Variants in LYPLAL1 observed in about 807,000 individuals in gnomAD.
The protein encoded by LYPLAL1 is lysophospholipase like 1.
A neutral mutation model predicts 19.7 loss-of-function variants in LYPLAL1; 23 were observed. The observed-to-expected ratio is 1.17, with a 90% CI of 0.84 to 1.65. LYPLAL1 has a LOEUF of 1.65. Ranked by LOEUF, LYPLAL1 falls within the 40% of genes most tolerant of loss-of-function variation. The probability of loss-of-function intolerance (pLI) is 0.00; values close to 1 mark genes in which losing one functional copy is unlikely to be tolerated. For missense variants in LYPLAL1, 355 were observed against 279.4 expected (o/e 1.27, Z -1.93); for synonymous variants, 119 against 96.3 (o/e 1.24, Z -1.38).
chr1:219,198,335 T>A (rs1657783165), intron 3 of LYPLAL1, among the ~76,000 whole-genome samples: 1 of 152,014 alleles, frequency 6.6e-6, no homozygotes, highest in African/African-American at 2.4e-5. Flanking sequence ...TTATAATATA[T>A]GCATATATGT....
At chr1:219,316,932 T>G in the LYPLAL1 span, among the ~76,000 whole-genome samples, 48 of 152,246 alleles carry the variant, frequency 3.2e-4, no homozygotes, top group Admixed American at 2.9e-3. Flanking sequence ...GCTATCAAGT[T>G]TCAGTTTTAA....
chr1:219,367,073 A>G, the LYPLAL1 span, among the ~76,000 whole-genome samples: 1 of 152,066 alleles, frequency 6.6e-6, no homozygotes, highest in Admixed American at 6.6e-5. Context: ...CGGTGCTTGC[A>G]GCAGCAGCAT....
chr1:219,296,944 G>A, the LYPLAL1 span, among the ~76,000 whole-genome samples: 12 of 152,170 alleles, frequency 7.9e-5, no homozygotes, highest in African/African-American at 2.9e-4. Flanking sequence ...TGGATTTGAG[G>A]TTGAGGAATG....
chr1:219,207,020 G>C (rs1658629814), intron 3 of LYPLAL1, among the ~76,000 whole-genome samples: 2 of 151,772 alleles, frequency 1.3e-5, no homozygotes, highest in Non-Finnish European at 2.9e-5. Flanking sequence ...AGATGGTCTA[G>C]AACTATGGTA....
the LYPLAL1 span, among the ~76,000 whole-genome samples, chr1:219,250,123 T>G: frequency 1.3e-5 from 2 of 151,994 alleles, no homozygotes; most frequent in African/African-American, 4.8e-5. Flanking sequence ...AGTCACAAAG[T>G]TATTCTTCTG....
At chr1:219,280,542 AT>A in the LYPLAL1 span, among the ~76,000 whole-genome samples, 1 of 152,198 alleles carries the variant, frequency 6.6e-6, no homozygotes, top group Non-Finnish European at 1.5e-5. Flanking sequence ...TTGGAATCAC[AT>A]TAACAATTTG....
At chr1:219,375,230 G>A in the LYPLAL1 span, among the ~76,000 whole-genome samples, 2 of 152,122 alleles carry the variant, frequency 1.3e-5, no homozygotes, top group Non-Finnish European at 2.9e-5. Context: ...ACTTTGGGAG[G>A]CCAAGGCAGG....
At chr1:219,188,905 A>G (rs1367216201) in intron 2 of LYPLAL1, among the ~76,000 whole-genome samples, 2 of 151,756 alleles carry the variant, frequency 1.3e-5, no homozygotes, top group East Asian at 3.8e-4. Flanking sequence ...AGCTGTTTAA[A>G]AAACAAACTT....
chr1:219,249,769 T>A, the LYPLAL1 span, among the ~76,000 whole-genome samples: 3 of 152,040 alleles, frequency 2.0e-5, no homozygotes, highest in African/African-American at 7.2e-5. Flanking sequence ...GTGCTTTAAT[T>A]AACATTTCGC....
the LYPLAL1 span, among the ~76,000 whole-genome samples, chr1:219,396,385 T>C: frequency 6.6e-6 from 1 of 152,180 alleles, no homozygotes; most frequent in Non-Finnish European, 1.5e-5. Flanking sequence ...CCAGTTTTGT[T>C]CTTTTGGTTT....
intron 1 of LYPLAL1, among the ~76,000 whole-genome samples, chr1:219,178,645 A>T (rs1408398469): frequency 6.6e-6 from 1 of 152,140 alleles, no homozygotes; most frequent in African/African-American, 2.4e-5. Context: ...TCAAAATTAA[A>T]TTATGATTTT....
the LYPLAL1 span, among the ~76,000 whole-genome samples, chr1:219,368,460 C>T: frequency 6.6e-6 from 1 of 152,290 alleles, no homozygotes; most frequent in East Asian, 1.9e-4. Context: ...CCAATAATTT[C>T]TGGCATATGC....
At chr1:219,350,178 G>A in the LYPLAL1 span, among the ~76,000 whole-genome samples, 87 of 152,244 alleles carry the variant, frequency 5.7e-4, no homozygotes, top group Non-Finnish European at 6.6e-4. Flanking sequence ...ATTTTTTATA[G>A]CATCAGATGC....
At chr1:219,414,592 C>G in the LYPLAL1 span, among the ~76,000 whole-genome samples, 1 of 152,148 alleles carries the variant, frequency 6.6e-6, no homozygotes, top group Non-Finnish European at 1.5e-5. Context: ...TTGCTTTTCT[C>G]TTTTGGAACT....
chr1:219,299,591 G>A, the LYPLAL1 span, among the ~76,000 whole-genome samples: 39 of 152,146 alleles, frequency 2.6e-4, no homozygotes, highest in African/African-American at 9.1e-4. Flanking sequence ...TTTGTCCAAG[G>A]ACTTGCAACT....
chr1:219,392,079 C>CA, the LYPLAL1 span, among the ~76,000 whole-genome samples: 8 of 152,038 alleles, frequency 5.3e-5, no homozygotes, highest in South Asian at 4.1e-4. Context: ...TTGAGAAACA[C>CA]AAAAAAAGCA....
the LYPLAL1 span, among the ~76,000 whole-genome samples, chr1:219,262,250 A>G: frequency 6.6e-6 from 1 of 151,742 alleles, no homozygotes; most frequent in Non-Finnish European, 1.5e-5. Context: ...ATTCATCTAT[A>G]TCCTGTATTA....
intron 1 of LYPLAL1, 134 bp from the exon 2 acceptor site, chr1:219,179,013 A>G (rs1000581207): frequency 1.7e-5 from 9 of 528,368 alleles, no homozygotes; most frequent in African/African-American, 1.4e-4. Context: ...CAGTTTCTAT[A>G]TGGTTATTAT....
the LYPLAL1 span, among the ~76,000 whole-genome samples, chr1:219,375,557 G>A: frequency 1.4e-5 from 2 of 145,118 alleles, no homozygotes; most frequent in East Asian, 2.0e-4. Flanking sequence ...GTGGGAAAGA[G>A]AAAAGAGGAT....
Sources: allele counts gnomAD v4.1 joint callset (sites outside exome capture counted in the v4.1 genomes callset), GRCh38; gene constraint gnomAD v4.1.1; transcripts MANE v1.5; gene names NCBI Gene and HGNC (gene_info 2026-07-23, HGNC 2026-07-21).